The following SUGCT variants were observed in gnomAD, a reference collection of about 807,000 sequenced individuals.
SUGCT encodes the protein succinyl-CoA:glutarate-CoA transferase, also known as succinyl-CoA:glutarate CoA-transferase.
SUGCT carries 41 observed loss-of-function variants against 55.0 expected under a neutral mutation model. That is an observed-to-expected ratio of 0.74 (90% CI 0.58 to 0.97). The LOEUF (loss-of-function observed/expected upper bound fraction) is 0.97, where lower values mean the gene tolerates loss of function less well. Among genes scored for constraint, SUGCT ranks in the 50% least tolerant of loss-of-function variants. The pLI, the probability that SUGCT is intolerant of heterozygous loss-of-function variation, is 0.00. For synonymous variants in SUGCT, 187 were observed against 200.4 expected (o/e 0.93, Z 0.56); for missense variants, 568 against 547.8 (o/e 1.04, Z -0.37).
At chr7:40,940,507 C>T in the SUGCT span, among the ~76,000 whole-genome samples, 9 of 152,086 alleles carry the variant, frequency 5.9e-5, no homozygotes, top group South Asian at 2.1e-4. Flanking sequence ...TCTTCCATAC[C>T]GTGAGCATGG....
the SUGCT span, among the ~76,000 whole-genome samples, chr7:40,991,801 A>C: frequency 6.6e-6 from 1 of 152,064 alleles, no homozygotes; most frequent in African/African-American, 2.4e-5. Context: ...AATAAATGAT[A>C]ATACCTCCAG....
At chr7:40,441,136 A>T (rs1260778219) in intron 9 of SUGCT, among the ~76,000 whole-genome samples, 2 of 152,288 alleles carry the variant, frequency 1.3e-5, no homozygotes, top group East Asian at 3.9e-4. Flanking sequence ...GAGTTATATC[A>T]ACAAATATTT....
intron 1 of SUGCT, among the ~76,000 whole-genome samples, chr7:40,137,918 A>C (rs776921768): frequency 3.3e-5 from 5 of 152,150 alleles, no homozygotes; most frequent in African/African-American, 9.7e-5. Flanking sequence ...CTCAGCTCAC[A>C]GAATCCAGCC....
chr7:40,502,927 G>A (rs748614989), intron 12 of SUGCT, among the ~76,000 whole-genome samples: 1 of 152,070 alleles, frequency 6.6e-6, no homozygotes, highest in Non-Finnish European at 1.5e-5. Flanking sequence ...AGTCCTATAT[G>A]GAGTACGTAA....
At chr7:40,654,774 CTGAAAT>C (rs1800938112) in intron 12 of SUGCT, among the ~76,000 whole-genome samples, 1 of 152,098 alleles carries the variant, frequency 6.6e-6, no homozygotes, top group East Asian at 1.9e-4. Flanking sequence ...TCTGGTGTTT[CTGAAAT>C]CATCTTTAGA....
At chr7:40,561,890 C>A (rs923150603) in intron 12 of SUGCT, among the ~76,000 whole-genome samples, 1 of 149,122 alleles carries the variant, frequency 6.7e-6, no homozygotes, top group South Asian at 2.2e-4. Flanking sequence ...CGGGGTTTCA[C>A]CATGTTGGTC....
At chr7:40,387,182 A>G (rs1214247400) in intron 9 of SUGCT, among the ~76,000 whole-genome samples, 2 of 152,208 alleles carry the variant, frequency 1.3e-5, no homozygotes, top group Non-Finnish European at 2.9e-5. Flanking sequence ...CTTTTGGGTT[A>G]TTCGATAGCA....
intron 12 of SUGCT, among the ~76,000 whole-genome samples, chr7:40,633,074 AG>A (rs1413078716): frequency 1.3e-5 from 2 of 152,114 alleles, no homozygotes; most frequent in Admixed American, 6.6e-5. Flanking sequence ...ACTATGACAG[AG>A]AGAGAGAAGA....
intron 8 of SUGCT, among the ~76,000 whole-genome samples, chr7:40,297,619 C>T (rs1794247327): frequency 6.6e-6 from 1 of 152,168 alleles, no homozygotes; most frequent in African/African-American, 2.4e-5. Context: ...AGACCTTTAG[C>T]ATTAAATTGG....
chr7:40,990,596 A>G, the SUGCT span, among the ~76,000 whole-genome samples: 1 of 152,228 alleles, frequency 6.6e-6, no homozygotes, highest in South Asian at 2.1e-4. Context: ...CTTTAAAGCT[A>G]GGCATTAACT....
At chr7:40,670,841 G>A (rs571914628) in intron 12 of SUGCT, among the ~76,000 whole-genome samples, 4 of 151,738 alleles carry the variant, frequency 2.6e-5, no homozygotes, top group Non-Finnish European at 4.4e-5. Context: ...TTTTACCAAT[G>A]TTAAAAAAAA....
At chr7:40,400,980 C>A (rs1051370141) in intron 9 of SUGCT, among the ~76,000 whole-genome samples, 1 of 152,130 alleles carries the variant, frequency 6.6e-6, no homozygotes, top group Non-Finnish European at 1.5e-5. Flanking sequence ...CCCAGTACAA[C>A]CCTTGGAAGT....
chr7:40,353,806 CT>C (rs1209126135), intron 9 of SUGCT, among the ~76,000 whole-genome samples: 1 of 151,972 alleles, frequency 6.6e-6, no homozygotes, highest in African/African-American at 2.4e-5. Flanking sequence ...TTTTCATCAA[CT>C]TTTTTTTCCA....
chr7:40,676,934 T>TGG (rs1562940634), intron 12 of SUGCT, among the ~76,000 whole-genome samples: 3 of 141,930 alleles, frequency 2.1e-5, no homozygotes, highest in African/African-American at 7.7e-5. Flanking sequence ...TGTGTGTGTG[T>TGG]GGTGTATAAA....
chr7:40,704,842 G>A (rs1785324152), intron 12 of SUGCT, among the ~76,000 whole-genome samples: 1 of 152,152 alleles, frequency 6.6e-6, no homozygotes. Flanking sequence ...TCGTTTCACA[G>A]ACGGTAAAGC....
intron 12 of SUGCT, among the ~76,000 whole-genome samples, chr7:40,562,100 C>T (rs1795871482): frequency 6.6e-6 from 1 of 151,022 alleles, no homozygotes; most frequent in Non-Finnish European, 1.5e-5. Context: ...GAGATCGAGA[C>T]CATCCTGTCT....
chr7:41,018,186 G>A, the SUGCT span, among the ~76,000 whole-genome samples: 5 of 152,032 alleles, frequency 3.3e-5, no homozygotes, highest in South Asian at 1.0e-3. Context: ...GCTGCAAGGG[G>A]AATGGTTAAT....
Position 40,715,312 on chromosome 7 carries a change from C to T in SUGCT, c.1090-34122C>T, listed in dbSNP as rs146559850. On this transcript the variant is annotated intron_variant, in intron 12 of 13. Transcript: ENST00000335693. ...ATGGGAAGTTTTGCTGCTGTGACCT[C>T]ATCTATACAATTGCAGAAGAACATC... Among the ~76,000 whole-genome samples, 348 of 152,200 alleles carry T rather than the reference C, an allele frequency of 2.3e-3. 1 individual carries two copies. The highest frequency in any genetic ancestry group is 7.3e-3 in the African/African-American group (303 of 41,530).
In SUGCT at chr7:40,777,852, G is replaced by A. The variant is rs185951196; in HGVS notation, c.1153+28355G>A. On this transcript the variant is annotated intron_variant, in intron 13 of 13. Transcript: ENST00000335693. ...AAACGACCAGCTGCAGCAAGGGCAG[G>A]GGCTGCACTGTACCACCCTCACATC... 5.9e-5 allele frequency among the ~76,000 whole-genome samples: 9 copies of A among 152,256 alleles called. No individual in the cohort carries two copies. In the East Asian group the frequency reaches 1.7e-3, roughly 29 times the overall value.
Sources: gnomAD v4.1 joint callset for allele counts (sites outside exome capture counted in the v4.1 genomes callset) on GRCh38, gnomAD v4.1.1 for gene constraint, MANE v1.5 for transcripts, NCBI Gene and HGNC (gene_info 2026-07-23, HGNC 2026-07-21) for gene names.